CELF2: variants seen among roughly 807,000 people sequenced by gnomAD.
The protein encoded by CELF2 is CUG triplet repeat RNA-binding protein 2.
In CELF2, 8 loss-of-function variants were observed where a neutral mutation model predicts 62.6. That is an observed-to-expected ratio of 0.13 (90% CI 0.07 to 0.23). CELF2 has a LOEUF of 0.23. Ranked by LOEUF, CELF2 falls within the 10% of genes least tolerant of loss-of-function variation. The pLI, the probability that CELF2 is intolerant of heterozygous loss-of-function variation, is 1.00. For synonymous variants in CELF2, 258 were observed against 250.0 expected, an observed-to-expected ratio of 1.03 and a Z score of -0.30; for missense variants, 333 against 671.0, an observed-to-expected ratio of 0.50 and a Z score of 5.56.
At chr10:11,275,318 C>T (rs138135112) in intron 8 of CELF2, among the ~76,000 whole-genome samples, 198 bp downstream of exon 8, 4 of 152,266 alleles carry the variant, frequency 2.6e-5, no homozygotes, top group East Asian at 3.9e-4. Context: ...TACCCACCTT[C>T]GCTGTGCATG....
chr10:10,743,735 G>C, the CELF2 span, among the ~76,000 whole-genome samples: 5 of 152,110 alleles, frequency 3.3e-5, no homozygotes, highest in Non-Finnish European at 7.4e-5. Context: ...GAAATTATTA[G>C]AATATCACAC....
chr10:10,623,725 A>G, the CELF2 span, among the ~76,000 whole-genome samples: 1 of 152,238 alleles, frequency 6.6e-6, no homozygotes, highest in Non-Finnish European at 1.5e-5. Flanking sequence ...AGGATGTTAA[A>G]AAGAGCTTAC....
the CELF2 span, among the ~76,000 whole-genome samples, chr10:10,506,956 C>T: frequency 3.3e-5 from 5 of 152,136 alleles, no homozygotes; most frequent in South Asian, 4.2e-4. Context: ...TGAGCCACTG[C>T]GCCTGGCTAC....
chr10:10,715,868 A>G, the CELF2 span, among the ~76,000 whole-genome samples: 1 of 152,228 alleles, frequency 6.6e-6, no homozygotes, highest in African/African-American at 2.4e-5. Context: ...TAAGGAACAC[A>G]TGACCAGGAA....
intron 1 of CELF2, among the ~76,000 whole-genome samples, chr10:10,866,607 CA>C (rs55875778): frequency 0.11 from 5,829 of 52,514 alleles, 75 homozygotes; most frequent in African/African-American, 0.15. Flanking sequence ...TCCATCCTCT[CA>C]AAAAAAAAAA....
At chr10:11,132,046 G>A (rs1325842090) in intron 1 of CELF2, among the ~76,000 whole-genome samples, 1 of 152,284 alleles carries the variant, frequency 6.6e-6, no homozygotes, top group East Asian at 1.9e-4. Flanking sequence ...TTTTTTGACA[G>A]AAAGTACAGT....
the CELF2 span, among the ~76,000 whole-genome samples, chr10:10,562,849 G>A: frequency 6.6e-6 from 1 of 151,952 alleles, no homozygotes; most frequent in Non-Finnish European, 1.5e-5. Context: ...GTCCAGCCAA[G>A]GACTATCTTT....
intron 2 of CELF2, among the ~76,000 whole-genome samples, chr10:11,187,579 C>CCCCG (rs1554920893): frequency 1.5e-4 from 22 of 151,566 alleles, no homozygotes; most frequent in East Asian, 3.9e-4. Context: ...GGTCGCCCCC[C>CCCCG]CCCCAACCTG....
the CELF2 span, among the ~76,000 whole-genome samples, chr10:10,471,806 A>C: frequency 6.6e-6 from 1 of 151,722 alleles, no homozygotes; most frequent in African/African-American, 2.4e-5. Flanking sequence ...AAATTTTCTC[A>C]CTTTATATTT....
rs550649414 is a variant in CELF2, at chr10:11,122,213, G to A, written c.75-43273G>A. 7.2e-4 allele frequency among the ~76,000 whole-genome samples: 110 copies of A among 152,276 alleles called. No homozygotes were observed. In the South Asian group the frequency reaches 0.021, roughly 30 times the overall value. ...AATGGATCTCTGCAGCAAGGCCTCA[G>A]CTGTATCCCTGGATCCTTTCTTAAT... On this transcript the variant is annotated intron_variant, in intron 1 of 12. Transcript: ENST00000633077.
At chr10:10,959,779 G>A (rs1364841013) in intron 2 of CELF2, among the ~76,000 whole-genome samples, 2 of 152,184 alleles carry the variant, frequency 1.3e-5, no homozygotes, top group African/African-American at 4.8e-5. Flanking sequence ...ATACCCCACA[G>A]GAAATGACCT....
chr10:10,699,952 A>G, the CELF2 span, among the ~76,000 whole-genome samples: 1 of 152,188 alleles, frequency 6.6e-6, no homozygotes, highest in Admixed American at 6.5e-5. Context: ...TAGAAGCAGC[A>G]GAGGCCCAAA....
rs1336439500 is a variant in CELF2, at chr10:11,325,988, A to C, written c.1438+9A>C. 1 of 1,608,362 alleles carries C rather than the reference A, an allele frequency of 6.2e-7. No individual in the cohort carries two copies. Among genetic ancestry groups the C allele is most frequent in the African/African-American group, 1.3e-5 (1 of 74,518 alleles). ...TCTGAGCAAGTGCTTTGGTATGCAA[A>C]AGAAACTAAGCTAGTATATTGCAGT... On this transcript the variant is annotated intron_variant, in intron 12 of 12. Coordinates refer to ENST00000633077, the MANE Select transcript of CELF2 (RefSeq NM_001326342.2).
Position 11,321,140 on chromosome 10 carries a change from T to G in CELF2, c.1097-49T>G. On this transcript the variant is annotated intron_variant, in intron 10 of 12. Coordinates refer to ENST00000633077, the MANE Select transcript of CELF2 (RefSeq NM_001326342.2). This position sits in a 1 kb window ranked among gnomAD's most constrained non-coding sequence, Gnocchi z 6.2. ...TTCTCTAACTTCCTTTGGAAAGCAC[T>G]AATGAATAAGTGCTGTTTCTCTTCT... 6.3e-7 allele frequency: 1 copy of G among 1,584,080 alleles called. No individual in the cohort carries two copies. Among genetic ancestry groups the G allele is most frequent in the Non-Finnish European group, 8.7e-7 (1 of 1,153,140 alleles).
chr10:10,528,965 C>G, the CELF2 span, among the ~76,000 whole-genome samples: 1 of 152,152 alleles, frequency 6.6e-6, no homozygotes, highest in Admixed American at 6.5e-5. Flanking sequence ...TAAAAAGCAG[C>G]TCTTATTTTC....
At chr10:11,005,201 T>C, upstream of CELF2, 1 of 1,454,382 alleles carries the variant, frequency 6.9e-7, no homozygotes, top group South Asian at 1.5e-5. The surrounding 1 kb of genome is among the most constrained non-coding windows in gnomAD (Gnocchi z 4.3). Flanking sequence ...GGAGCCCCCT[T>C]GCTCTACTAT....
intron 1 of CELF2, among the ~76,000 whole-genome samples, chr10:10,808,020 A>C (rs761255397): frequency 6.6e-6 from 1 of 152,216 alleles, no homozygotes; most frequent in Admixed American, 6.5e-5. Flanking sequence ...AGCTGTTTGC[A>C]TGAGCAGAGT....
chr10:11,076,703 AG>A (rs1052702728), intron 1 of CELF2, among the ~76,000 whole-genome samples: 2 of 152,214 alleles, frequency 1.3e-5, no homozygotes, highest in African/African-American at 4.8e-5. Flanking sequence ...TGGATTCATT[AG>A]GGAAAAGTTT....
chr10:11,090,233 G>A (rs1341592044), intron 1 of CELF2, among the ~76,000 whole-genome samples: 1 of 151,926 alleles, frequency 6.6e-6, no homozygotes, highest in Admixed American at 6.6e-5. Flanking sequence ...TGAATGCTAT[G>A]AAGGGAAACA....
Sources: allele counts gnomAD v4.1 joint callset (sites outside exome capture counted in the v4.1 genomes callset), GRCh38; gene constraint gnomAD v4.1.1; non-coding constraint Gnocchi (gnomAD v3.1); transcripts MANE v1.5; gene names NCBI Gene and HGNC (gene_info 2026-07-23, HGNC 2026-07-21).